ROBO2: variants seen among roughly 807,000 people sequenced by gnomAD.
ROBO2 encodes the protein roundabout homolog 2.
Under a neutral mutation model 160.8 loss-of-function variants are expected in ROBO2, and 53 were observed. The ratio of observed to expected loss-of-function variants is 0.33; its 90% confidence interval spans 0.26 to 0.41. The LOEUF (loss-of-function observed/expected upper bound fraction) is 0.41, where lower values mean the gene tolerates loss of function less well. Among genes scored for constraint, ROBO2 ranks in the 10% least tolerant of loss-of-function variants. ROBO2 has a pLI of 1.00. For missense variants in ROBO2, 1,577 were observed against 1,722.4 expected (o/e 0.92, Z 1.49); for synonymous variants, 664 against 611.7 (o/e 1.09, Z -1.26).
In ROBO2 at chr3:77,573,249, T is replaced by A. The variant is rs2093681185; in HGVS notation, c.1972-1250T>A. ...ATGCTTAATTTTTAAAAATAATTTT[T>A]AAAATCCATAGTTGTTTTCTCCCTG... On this transcript the variant is annotated intron_variant, in intron 13 of 25. Coordinates refer to ENST00000461745, the Ensembl canonical transcript of ROBO2. Among the ~76,000 whole-genome samples, 2 of 151,984 alleles carry A rather than the reference T, an allele frequency of 1.3e-5. 1 individual carries two copies. The highest frequency in any genetic ancestry group is 4.1e-4 in the South Asian group (2 of 4,826).
chr3:76,552,875 A>G (rs1353514675), intron 2 of ROBO2, among the ~76,000 whole-genome samples: 3 of 152,228 alleles, frequency 2.0e-5, no homozygotes, highest in African/African-American at 7.2e-5. Flanking sequence ...GAAACAGATC[A>G]TGACAGGTCT....
chr3:76,240,846 A>G (rs1705241450), intron 2 of ROBO2, among the ~76,000 whole-genome samples: 1 of 152,220 alleles, frequency 6.6e-6, no homozygotes, highest in South Asian at 2.1e-4. Context: ...TAGAGACTAC[A>G]TAATCCTAAG....
chr3:77,475,820 C>G (rs1560942121), intron 2 of ROBO2, among the ~76,000 whole-genome samples: 1 of 152,200 alleles, frequency 6.6e-6, no homozygotes, highest in Non-Finnish European at 1.5e-5. Context: ...TAAATGCACA[C>G]TTTCCTCAGC....
rs562926770 is a variant in ROBO2 at position 76,996,873 on chromosome 3, T to C, written c.110-101141T>C. ...ACTGCATGATTAAGTAAAGCATTGC[T>C]GACAGTGTCCCCTATCATTATTAAC... On this transcript the variant is annotated intron_variant, in intron 2 of 26. Coordinates refer to the ROBO2 transcript ENST00000487694. Among the ~76,000 whole-genome samples the C allele has an allele frequency of 4.1e-4, 62 of 152,292 alleles. 2 individuals carry two copies. In the South Asian group the frequency reaches 0.013, roughly 31 times the overall value.
chr3:76,271,179 T>C (rs931428457), intron 2 of ROBO2, among the ~76,000 whole-genome samples: 5 of 151,892 alleles, frequency 3.3e-5, no homozygotes. Flanking sequence ...AAACAAAAAG[T>C]AGGGAAAAAC....
chr3:76,881,635 T>A (rs2073345646), intron 2 of ROBO2, among the ~76,000 whole-genome samples: 1 of 152,244 alleles, frequency 6.6e-6, no homozygotes, highest in Non-Finnish European at 1.5e-5. Context: ...GTATTTTCTA[T>A]TTTACATTGG....
At chr3:77,636,157 G>T (rs944912082) in intron 24 of ROBO2, among the ~76,000 whole-genome samples, 3 of 152,034 alleles carry the variant, frequency 2.0e-5, no homozygotes, top group African/African-American at 4.8e-5. Context: ...AATTTTGGGG[G>T]TACACAAACA....
chr3:76,327,572 T>C (rs898998745), intron 2 of ROBO2, among the ~76,000 whole-genome samples: 1 of 152,180 alleles, frequency 6.6e-6, no homozygotes, highest in African/African-American at 2.4e-5. Flanking sequence ...ATCTTTCGTA[T>C]ATTAGAAGCA....
chr3:77,548,501 C>G (rs2092789694), intron 7 of ROBO2, among the ~76,000 whole-genome samples: 1 of 151,910 alleles, frequency 6.6e-6, no homozygotes, highest in Non-Finnish European at 1.5e-5. Context: ...ATCACATTCC[C>G]TAAAGTAGCT....
At chr3:77,446,685 A>G (rs1279206489) in intron 2 of ROBO2, among the ~76,000 whole-genome samples, 2 of 152,042 alleles carry the variant, frequency 1.3e-5, no homozygotes, top group Admixed American at 6.6e-5. Flanking sequence ...AATTTCTACA[A>G]TATATTAGCA....
chr3:77,221,577 G>A (rs2085799443), intron 2 of ROBO2, among the ~76,000 whole-genome samples: 1 of 151,896 alleles, frequency 6.6e-6, no homozygotes. Flanking sequence ...TCCCTAGATT[G>A]ATCTTCTTAT....
intron 2 of ROBO2, among the ~76,000 whole-genome samples, chr3:76,420,502 G>A (rs1000468615): frequency 1.3e-5 from 2 of 152,250 alleles, no homozygotes; most frequent in Admixed American, 6.5e-5. Flanking sequence ...TATAAGCAAC[G>A]TTTTTGATTA....
At chr3:76,228,268 A>G (rs1704412641) in intron 2 of ROBO2, among the ~76,000 whole-genome samples, 1 of 152,192 alleles carries the variant, frequency 6.6e-6, no homozygotes, top group Non-Finnish European at 1.5e-5. Context: ...CAAATGGATT[A>G]TGGCAGCAGC....
chr3:77,479,121 G>A (rs2084374028), intron 3 of ROBO2, among the ~76,000 whole-genome samples: 1 of 152,136 alleles, frequency 6.6e-6, no homozygotes, highest in Admixed American at 6.5e-5. Context: ...GAAGATAAGT[G>A]GGCCCAACAA....
intron 9 of ROBO2, among the ~76,000 whole-genome samples, chr3:77,558,491 T>G (rs2093207995): frequency 6.6e-6 from 1 of 152,088 alleles, no homozygotes; most frequent in South Asian, 2.1e-4. Flanking sequence ...CTGATTTACT[T>G]TCATTCGCAA....
chr3:77,226,008 G>A (rs920151642), intron 2 of ROBO2, among the ~76,000 whole-genome samples: 2 of 151,772 alleles, frequency 1.3e-5, no homozygotes, highest in Admixed American at 6.6e-5. Flanking sequence ...ATTACACATC[G>A]GTATTTTCCC....
intron 2 of ROBO2, among the ~76,000 whole-genome samples, chr3:76,808,212 C>T (rs144489420): frequency 1.2e-4 from 18 of 152,206 alleles, no homozygotes; most frequent in African/African-American, 4.3e-4. Context: ...CTGCACTGGA[C>T]TTACTCCAAC....
At chr3:76,890,264 G>A (rs2074246500) in intron 2 of ROBO2, among the ~76,000 whole-genome samples, 1 of 152,064 alleles carries the variant, frequency 6.6e-6, no homozygotes, top group Non-Finnish European at 1.5e-5. Flanking sequence ...ATTATGATTA[G>A]CCTTCATTTA....
At chr3:76,476,598 G>A (rs990362002) in intron 2 of ROBO2, among the ~76,000 whole-genome samples, 8 of 152,084 alleles carry the variant, frequency 5.3e-5, no homozygotes, top group Non-Finnish European at 8.8e-5. Context: ...CTGTTCCTGC[G>A]CTGTACCACT....
Sources: gnomAD v4.1 joint callset for allele counts (sites outside exome capture counted in the v4.1 genomes callset) on GRCh38, gnomAD v4.1.1 for gene constraint, MANE v1.5 for transcripts, NCBI Gene and HGNC (gene_info 2026-07-23, HGNC 2026-07-21) for gene names.